The following EHF variants were observed in gnomAD, a reference collection of about 807,000 sequenced individuals.
EHF encodes the protein ETS homologous factor.
EHF carries 14 observed loss-of-function variants against 45.1 expected under a neutral mutation model. The observed-to-expected ratio is 0.31, with a 90% CI of 0.21 to 0.49. The LOEUF is 0.49. Among genes scored for constraint, EHF ranks in the 20% least tolerant of loss-of-function variants. The pLI is 0.99. For missense variants in EHF, 282 were observed against 371.4 expected, an observed-to-expected ratio of 0.76 and a Z score of 1.98; for synonymous variants, 136 against 131.8, an observed-to-expected ratio of 1.03 and a Z score of -0.22.
chr11:34,628,253 T>TA (rs755319191), intron 1 of EHF, among the ~76,000 whole-genome samples: 21 of 151,500 alleles, frequency 1.4e-4, no homozygotes, highest in South Asian at 6.3e-4. Context: ...AATTAAAAAA[T>TA]AAAAAAAAAC....
At chr11:34,625,351 A>G (rs1466116818) in intron 1 of EHF, among the ~76,000 whole-genome samples, 4 of 152,212 alleles carry the variant, frequency 2.6e-5, no homozygotes, top group Non-Finnish European at 5.9e-5. Flanking sequence ...GCCTATGCAC[A>G]GGGGCAGGTG....
At chr11:34,625,318 C>T (rs1464827035) in intron 1 of EHF, among the ~76,000 whole-genome samples, 1 of 152,164 alleles carries the variant, frequency 6.6e-6, no homozygotes, top group African/African-American at 2.4e-5. Context: ...ATGAAACAGA[C>T]TGTTTTGTGA....
At position 34,661,165 on chromosome 11, in the gene EHF, T is replaced by C. The variant is rs1284786491; in HGVS notation, c.*2234T>C. On this transcript the variant is annotated 3_prime_UTR_variant, in exon 9 of 9. Transcript: ENST00000257831. ...AAGAACTATGGGGCCTTCCCAGCAT[T>C]TGACTGTTCATTGCATAGAATGAAT... is the stretch of plus-strand genomic sequence containing the variant. 6.6e-6 allele frequency: 1 copy of C among 152,180 alleles called. No individual in the cohort carries two copies. The highest frequency in any genetic ancestry group is 2.4e-5 in the African/African-American group (1 of 41,452). 9.4% of individuals were successfully genotyped at this position (152,180 alleles called of 1,614,324 possible).
chr11:34,652,115 A>T (rs1238988086), intron 6 of EHF, among the ~76,000 whole-genome samples: 2 of 152,314 alleles, frequency 1.3e-5, no homozygotes, highest in South Asian at 2.1e-4. Flanking sequence ...TGCTAAAATT[A>T]TTCATATTTG....
intron 6 of EHF, among the ~76,000 whole-genome samples, chr11:34,656,001 G>A (rs551726643): frequency 6.6e-6 from 1 of 151,986 alleles, no homozygotes; most frequent in South Asian, 2.1e-4. Context: ...TATTAAAATT[G>A]GCTGATTTTT....
intron 4 of EHF, 24 bp downstream of exon 4, chr11:34,649,105 G>T (rs961241127): frequency 6.2e-7 from 1 of 1,612,644 alleles, no homozygotes; most frequent in South Asian, 1.1e-5. Flanking sequence ...GACAAAGGGA[G>T]CCAACCTAGC....
chr11:34,641,037 T>C (rs1284427807), intron 1 of EHF, among the ~76,000 whole-genome samples: 3 of 152,160 alleles, frequency 2.0e-5, no homozygotes, highest in African/African-American at 7.2e-5. Context: ...AGCTAGTAAG[T>C]AGGAAGGCTT....
At chr11:34,652,930 G>A (rs1047485723) in intron 6 of EHF, among the ~76,000 whole-genome samples, 6 of 152,188 alleles carry the variant, frequency 3.9e-5, no homozygotes, top group Non-Finnish European at 8.8e-5. Flanking sequence ...AGCATTATGT[G>A]TCACTTGAGG....
chr11:34,636,883 G>A (rs1192201138), intron 1 of EHF, among the ~76,000 whole-genome samples: 1 of 152,094 alleles, frequency 6.6e-6, no homozygotes, highest in Non-Finnish European at 1.5e-5. Context: ...TACAAAATTA[G>A]CCGGGCGTGG....
intron 6 of EHF, among the ~76,000 whole-genome samples, chr11:34,655,857 G>T (rs530137767): frequency 6.6e-6 from 1 of 152,216 alleles, no homozygotes; most frequent in East Asian, 1.9e-4. Context: ...TTCATATATG[G>T]TTTCAGTCAG....
intron 1 of EHF, among the ~76,000 whole-genome samples, chr11:34,631,986 C>A (rs1487346810): frequency 1.3e-5 from 2 of 152,192 alleles, no homozygotes; most frequent in African/African-American, 2.4e-5. Flanking sequence ...CTCACAGAAC[C>A]AGCCAATGGA....
chr11:34,628,787 G>A (rs1357169307), intron 1 of EHF, among the ~76,000 whole-genome samples: 2 of 152,156 alleles, frequency 1.3e-5, no homozygotes, highest in Non-Finnish European at 2.9e-5. Flanking sequence ...ATGAAACATG[G>A]GTACAGGTGA....
chr11:34,641,977 A>T (rs1329712455), intron 1 of EHF: 1 of 152,192 alleles, frequency 6.6e-6, no homozygotes, highest in Non-Finnish European at 1.5e-5. Context: ...TATAATTGTT[A>T]CCAGAAAGGA....
chr11:34,642,346 C>A (rs1303483000), intron 1 of EHF: 4 of 237,650 alleles, frequency 1.7e-5, no homozygotes, highest in Non-Finnish European at 8.0e-6. Context: ...GCCCTGGGAG[C>A]AGGTATTGCA....
intron 6 of EHF, among the ~76,000 whole-genome samples, chr11:34,654,409 A>C (rs775504967): frequency 3.3e-5 from 5 of 152,242 alleles, no homozygotes; most frequent in African/African-American, 1.2e-4. Context: ...AGATCAAAAG[A>C]TATCAGTGGT....
At chr11:34,647,932 C>T (rs1854739117) in intron 3 of EHF, among the ~76,000 whole-genome samples, 2 of 152,264 alleles carry the variant, frequency 1.3e-5, no homozygotes, top group South Asian at 4.1e-4. Context: ...TTTACCTCCA[C>T]CCCCCAATTA....
At chr11:34,625,880 T>A (rs1227519326) in intron 1 of EHF, among the ~76,000 whole-genome samples, 1 of 152,228 alleles carries the variant, frequency 6.6e-6, no homozygotes, top group African/African-American at 2.4e-5. Context: ...TTGTTTGTTT[T>A]GTTTTTTTAG....
intron 1 of EHF, among the ~76,000 whole-genome samples, chr11:34,637,972 G>A (rs1853611214): frequency 6.6e-6 from 1 of 151,536 alleles, no homozygotes; most frequent in Admixed American, 6.6e-5. Flanking sequence ...CTCGAGCTCG[G>A]CTCGCTGCAA....
intron 6 of EHF, among the ~76,000 whole-genome samples, chr11:34,652,037 T>G (rs1302655080): frequency 6.6e-6 from 1 of 152,256 alleles, no homozygotes; most frequent in Non-Finnish European, 1.5e-5. Flanking sequence ...CTAGTCACTC[T>G]GTTGTGACAA....
Sources: allele counts gnomAD v4.1 joint callset (sites outside exome capture counted in the v4.1 genomes callset), GRCh38; gene constraint gnomAD v4.1.1; transcripts MANE v1.5; gene names NCBI Gene and HGNC (gene_info 2026-07-23, HGNC 2026-07-21).